GPC6: variants seen among roughly 807,000 people sequenced by gnomAD.
The protein encoded by GPC6 is glypican-6.
GPC6 carries 14 observed loss-of-function variants against 55.2 expected under a neutral mutation model. That is an observed-to-expected ratio of 0.25 (90% CI 0.17 to 0.40). GPC6 has a LOEUF of 0.40. Among genes scored for constraint, GPC6 ranks in the 10% least tolerant of loss-of-function variants. The probability of loss-of-function intolerance (pLI) is 1.00; values close to 1 mark genes in which losing one functional copy is unlikely to be tolerated. For missense variants in GPC6, 641 were observed against 708.5 expected (o/e 0.90, Z 1.08); for synonymous variants, 278 against 259.6 (o/e 1.07, Z -0.68).
At chr13:93,754,738 C>A (rs4773760) in intron 2 of GPC6, among the ~76,000 whole-genome samples, 1 of 151,326 alleles carries the variant, frequency 6.6e-6, no homozygotes, top group Non-Finnish European at 1.5e-5. Flanking sequence ...AACTACTGTT[C>A]TCATAAACAG....
At chr13:93,788,611 G>T (rs779260122) in intron 2 of GPC6, among the ~76,000 whole-genome samples, 1 of 151,466 alleles carries the variant, frequency 6.6e-6, no homozygotes, top group Admixed American at 6.6e-5. Context: ...CCACTCAGAC[G>T]AAGTGAAATA....
chr13:93,680,693 C>T (rs1342154321), intron 2 of GPC6, among the ~76,000 whole-genome samples: 1 of 152,160 alleles, frequency 6.6e-6, no homozygotes, highest in Non-Finnish European at 1.5e-5. Context: ...AGAGGCTGCT[C>T]TCATTTCAAA....
At chr13:93,912,806 G>A (rs1877077547) in intron 3 of GPC6, among the ~76,000 whole-genome samples, 2 of 152,158 alleles carry the variant, frequency 1.3e-5, no homozygotes, top group African/African-American at 4.8e-5. Context: ...GAGGCCAGAA[G>A]TCTGAAATAA....
chr13:94,184,649 G>T (rs953573882), intron 4 of GPC6, among the ~76,000 whole-genome samples: 1 of 152,132 alleles, frequency 6.6e-6, no homozygotes, highest in Admixed American at 6.5e-5. Flanking sequence ...AACAGATGCC[G>T]ATTGGGCTGC....
chr13:94,146,977 G>T (rs1318257391), intron 4 of GPC6, among the ~76,000 whole-genome samples: 1 of 152,068 alleles, frequency 6.6e-6, no homozygotes, highest in Non-Finnish European at 1.5e-5. Flanking sequence ...CTTGAAATCT[G>T]CTTCTAATGT....
At position 93,283,105 on chromosome 13, in the gene GPC6, A is replaced by G. The variant is rs141968874; in HGVS notation, c.160+55489A>G. ...GGTAATTAATTCAAATCTCTAAACA[A>G]TATGCTCATTTTGCTACATTTTGAT... On this transcript the variant is annotated intron_variant, in intron 1 of 8. Coordinates refer to ENST00000377047, the MANE Select transcript of GPC6 (RefSeq NM_005708.5). Among the ~76,000 whole-genome samples the G allele has an allele frequency of 9.6e-3, 1,451 of 150,562 alleles. 27 individuals carry two copies. The highest frequency in any genetic ancestry group is 0.034 in the African/African-American group (1,371 of 40,878).
In GPC6 at chr13:93,531,003, A is replaced by G. The variant is rs562322920; in HGVS notation, c.161-14260A>G. Among the ~76,000 whole-genome samples, 12 of 152,312 alleles carry G rather than the reference A, an allele frequency of 7.9e-5. No individual in the cohort carries two copies. In the East Asian group the frequency reaches 2.3e-3, roughly 29 times the overall value. ...GGTTAACACAATACTGACTCCGTTT[A>G]TAATATCTCAGATACTGACACTGAC... On this transcript the variant is annotated intron_variant, in intron 1 of 8. Coordinates refer to ENST00000377047, the MANE Select transcript of GPC6 (RefSeq NM_005708.5).
intron 3 of GPC6, among the ~76,000 whole-genome samples, chr13:94,004,611 G>T (rs1016693627): frequency 2.0e-5 from 3 of 152,106 alleles, no homozygotes; most frequent in African/African-American, 2.4e-5. Flanking sequence ...CCTTTTACCA[G>T]ATTTATCAAT....
intron 3 of GPC6, among the ~76,000 whole-genome samples, chr13:93,952,118 G>A (rs1879278506): frequency 6.6e-6 from 1 of 152,080 alleles, no homozygotes; most frequent in Non-Finnish European, 1.5e-5. Flanking sequence ...TGTGTTCTGT[G>A]TTCATAATTT....
At chr13:93,961,191 A>G (rs776921049) in intron 3 of GPC6, among the ~76,000 whole-genome samples, 8 of 152,176 alleles carry the variant, frequency 5.3e-5, no homozygotes, top group Admixed American at 3.3e-4. Context: ...GCCATTTAAA[A>G]CAGATTACTT....
At chr13:93,313,121 C>T (rs1798672054) in intron 1 of GPC6, among the ~76,000 whole-genome samples, 3 of 152,076 alleles carry the variant, frequency 2.0e-5, no homozygotes. Flanking sequence ...ATTCAAAATG[C>T]CCCTATACTT....
intron 4 of GPC6, among the ~76,000 whole-genome samples, chr13:94,165,546 A>G (rs959672181): frequency 3.3e-5 from 5 of 152,008 alleles, no homozygotes; most frequent in African/African-American, 9.7e-5. Flanking sequence ...TTCACTACAT[A>G]CCGCTTAGGT....
At chr13:93,725,995 T>A (rs1231582043) in intron 2 of GPC6, among the ~76,000 whole-genome samples, 1 of 151,974 alleles carries the variant, frequency 6.6e-6, no homozygotes, top group Admixed American at 6.6e-5. Context: ...GAAAATGTAG[T>A]GGCCCAATTA....
the GPC6 span, among the ~76,000 whole-genome samples, chr13:93,218,482 T>C: frequency 6.6e-6 from 1 of 152,186 alleles, no homozygotes; most frequent in Non-Finnish European, 1.5e-5. Flanking sequence ...GTCTAAAAAT[T>C]ATTAATAGTT....
intron 7 of GPC6, among the ~76,000 whole-genome samples, chr13:94,386,128 G>A (rs1421692875): frequency 2.6e-5 from 4 of 150,964 alleles, no homozygotes; most frequent in Admixed American, 1.3e-4. Flanking sequence ...GGGAGGCCAA[G>A]GCGGGCGGAT....
At chr13:93,991,996 A>G (rs1237680042) in intron 3 of GPC6, among the ~76,000 whole-genome samples, 1 of 151,944 alleles carries the variant, frequency 6.6e-6, no homozygotes. Context: ...ACATAAACAT[A>G]TATATAATAC....
intron 4 of GPC6, among the ~76,000 whole-genome samples, chr13:94,157,215 C>A (rs1015285929): frequency 1.3e-5 from 2 of 152,168 alleles, no homozygotes; most frequent in African/African-American, 4.8e-5. Flanking sequence ...GGGAATGTGT[C>A]CCTTCTTCAT....
chr13:94,314,354 C>T (rs922439464), intron 6 of GPC6, among the ~76,000 whole-genome samples: 1 of 152,190 alleles, frequency 6.6e-6, no homozygotes, highest in Non-Finnish European at 1.5e-5. Context: ...TTAATATAGG[C>T]CATGTCTAAT....
At chr13:93,443,382 G>A (rs559358534) in intron 1 of GPC6, among the ~76,000 whole-genome samples, 29 of 152,164 alleles carry the variant, frequency 1.9e-4, no homozygotes, top group Non-Finnish European at 2.6e-4. Flanking sequence ...GTAGCTGAAC[G>A]AGGAGTCTGG....
Sources: gnomAD v4.1 joint callset for allele counts (sites outside exome capture counted in the v4.1 genomes callset) on GRCh38, gnomAD v4.1.1 for gene constraint, MANE v1.5 for transcripts, NCBI Gene and HGNC (gene_info 2026-07-23, HGNC 2026-07-21) for gene names.